The following CLCA1 variants were observed in gnomAD, a reference collection of about 807,000 sequenced individuals.
CLCA1 encodes chloride channel accessory 1, also known as calcium-activated chloride channel regulator 1.
A neutral mutation model predicts 85.6 loss-of-function variants in CLCA1; 59 were observed. The observed-to-expected ratio is 0.69, with a 90% confidence interval of 0.56 to 0.86. The LOEUF is 0.86. CLCA1 is among the 40% of genes least tolerant of loss of function. The probability of loss-of-function intolerance (pLI) is 0.00; values close to 1 mark genes in which losing one functional copy is unlikely to be tolerated. For synonymous variants in CLCA1, 396 were observed against 398.3 expected (o/e 0.99, Z 0.07); for missense variants, 1,022 against 1,101.4 (o/e 0.93, Z 1.02).
chr1:86,483,405 C>G (rs1344485283), intron 5 of CLCA1, among the ~76,000 whole-genome samples: 1 of 151,980 alleles, frequency 6.6e-6, no homozygotes, highest in Non-Finnish European at 1.5e-5. Flanking sequence ...TGTTGTACAA[C>G]TAATGATTAC....
chr1:86,491,163 C>A, intron 8 of CLCA1, 102 bp from the exon 9 acceptor site: 2 of 712,836 alleles, frequency 2.8e-6, no homozygotes, highest in Non-Finnish European at 4.8e-6. Context: ...ACTTTAATAA[C>A]ACAAAGGGAT....
In CLCA1 at chr1:86,498,577, A is replaced by AT. The variant is rs1385444292; in HGVS notation, c.2120dup (p.Gln708ThrfsTer8). On this transcript the variant is annotated frameshift_variant, in exon 13 of 14. Coordinates refer to ENST00000394711, the MANE Select transcript of CLCA1 (RefSeq NM_001285.4). LOFTEE classifies it high-confidence loss of function. ...TGAGTATTTTTTTAATGCAGATGAA[A>AT]TACAATGGAATCCACCAAGACCTGA... 7 of 1,613,216 alleles carry AT rather than the reference A, an allele frequency of 4.3e-6. No homozygotes were observed. The East Asian group carries it at 1.1e-4, about 26-fold the overall frequency.
intron 5 of CLCA1, 23 bp downstream of exon 5, chr1:86,482,405 CT>C (rs769507827): frequency 3.1e-6 from 5 of 1,601,500 alleles, no homozygotes; most frequent in Non-Finnish European, 3.4e-6. Context: ...TTCTCACCCC[CT>C]CCCCCAGATT....
Position 86,498,740 on chromosome 1 carries a change from C to G in CLCA1, c.2282C>G (p.Ala761Gly). 2 of 1,614,050 alleles carry G rather than the reference C, an allele frequency of 1.2e-6. No individual in the cohort carries two copies. Among genetic ancestry groups the G allele is most frequent in the Middle Eastern group, 1.6e-4 (1 of 6,062 alleles). The change falls in exon 13 of 14, where the codon GCG becomes GGG. Residue 761 changes from alanine (A) to glycine (G), a missense_variant. Physicochemically the swap from Ala to Gly is moderately conservative, Grantham distance 60. Transcript: ENST00000394711. ...FPPGQITDLK[A>G]EIHGGSLINL... ...CCTGGCCAAATCACCGACCTGAAGG[C>G]GGAAATTCACGGGGGCAGTCTCATT...
chr1:86,472,154 C>T (rs961990035), intron 1 of CLCA1, among the ~76,000 whole-genome samples: 1 of 152,056 alleles, frequency 6.6e-6, no homozygotes, highest in Non-Finnish European at 1.5e-5. Context: ...AGAAAAACTT[C>T]TGAACCTGTT....
intron 5 of CLCA1, among the ~76,000 whole-genome samples, chr1:86,483,612 T>C (rs887391734): frequency 6.6e-6 from 1 of 152,232 alleles, no homozygotes; most frequent in Non-Finnish European, 1.5e-5. Flanking sequence ...ATTTATTGGC[T>C]GTGTTAGTAT....
intron 1 of CLCA1, among the ~76,000 whole-genome samples, chr1:86,470,214 G>C (rs1647464367): frequency 6.6e-6 from 1 of 152,182 alleles, no homozygotes; most frequent in African/African-American, 2.4e-5. Flanking sequence ...TCTCTACAGT[G>C]TGTGGTTAGA....
intron 7 of CLCA1, among the ~76,000 whole-genome samples, chr1:86,488,539 G>A (rs1205674696): frequency 2.0e-5 from 3 of 152,132 alleles, no homozygotes; most frequent in African/African-American, 4.8e-5. Flanking sequence ...CAGAACCAAT[G>A]CCAGCCAGAA....
chr1:86,471,190 A>C (rs1647490036), intron 1 of CLCA1, among the ~76,000 whole-genome samples: 1 of 151,906 alleles, frequency 6.6e-6, no homozygotes, highest in Non-Finnish European at 1.5e-5. Context: ...GAGTCTCTGC[A>C]ATGCTCAGCA....
At position 86,482,336 on chromosome 1, in the gene CLCA1, G is replaced by T; in HGVS notation, c.689G>T (p.Arg230Leu). 1 of 1,614,022 alleles carries T rather than the reference G, an allele frequency of 6.2e-7. No homozygotes were observed. The highest frequency in any genetic ancestry group is 2.2e-5 in the East Asian group (1 of 44,878). Reference sequence around the variant, plus strand: ...GGATGTGAGTTTGTTCTCCAATCCCGCCAGACGGAGAAGGCTTCTATAATG... The same window carrying T: ...GGATGTGAGTTTGTTCTCCAATCCCTCCAGACGGAGAAGGCTTCTATAATG... ...EKGCEFVLQS[R>L]QTEKASIMFA... Residue 230 changes from arginine to leucine, a missense_variant, in exon 5 of 14, where the codon CGC (arginine) becomes CTC (leucine). Transcript: ENST00000394711.
rs1648417027 is a variant in CLCA1, at chr1:86,500,116, G to A, written c.*71G>A. 2 of 1,050,966 alleles carry A rather than the reference G, an allele frequency of 1.9e-6. No homozygotes were observed. The highest frequency in any genetic ancestry group is 2.8e-6 in the Non-Finnish European group (2 of 722,520). 65.1% of individuals were successfully genotyped at this position (1,050,966 alleles called of 1,614,324 possible). The stretch of plus-strand genomic sequence containing the variant: ...TTTTGATTATAAAATTTTCTAAAAT[G>A]TATTTTAGACTTCCTGTAGGGGGCG... On this transcript the variant is annotated 3_prime_UTR_variant, in exon 14 of 14. Transcript: ENST00000394711.
rs372051359 is a variant in CLCA1, at chr1:86,473,779, C to T, written c.354C>T (p.Tyr118=). Reference sequence around the variant, plus strand: ...CTCCTCCAGGTAATGATGAACCCTACACTGAGCAGATGGGCAACTGTGGAG... The same window carrying T: ...CTCCTCCAGGTAATGATGAACCCTATACTGAGCAGATGGGCAACTGTGGAG... ...ESTPPGNDEP[Y]TEQMGNCGEK... Residue 118 remains tyrosine (Y), a synonymous_variant, in exon 3 of 14, where the codon TAC becomes TAT. Coordinates refer to ENST00000394711, the MANE Select transcript of CLCA1 (RefSeq NM_001285.4). The T allele has an allele frequency of 3.1e-6, 5 of 1,612,904 alleles. No homozygotes were observed. The highest frequency in any genetic ancestry group is 3.4e-6 in the Non-Finnish European group (4 of 1,179,298).
Position 86,494,361 on chromosome 1 carries a change from T to C in CLCA1, c.1855T>C (p.Ser619Pro). The C allele has an allele frequency of 1.2e-6, 2 of 1,614,114 alleles. No individual in the cohort carries two copies. The highest frequency in any genetic ancestry group is 1.7e-6 in the Non-Finnish European group (2 of 1,180,014). The change falls in exon 11 of 14, where the codon TCC (serine) becomes CCC (proline). Residue 619 changes from serine (S) to proline (P), a missense_variant. Ser to Pro is a moderately conservative substitution (Grantham distance 74). Coordinates refer to ENST00000394711, the MANE Select transcript of CLCA1 (RefSeq NM_001285.4). ...VVYANIRQGA[S>P]PILRASVTAL... ...TTATGCAAATATTCGCCAAGGAGCCTCCCCAATTCTCAGGGCCAGTGTCAC... is the reference window on the plus strand; with the variant it reads ...TTATGCAAATATTCGCCAAGGAGCCCCCCCAATTCTCAGGGCCAGTGTCAC...
intron 7 of CLCA1, 114 bp downstream of exon 7, chr1:86,486,867 A>G (rs1001311586): frequency 2.3e-6 from 2 of 881,170 alleles, no homozygotes; most frequent in Admixed American, 4.0e-5. Flanking sequence ...GAGATAACCA[A>G]GGAGCAATAT....
chr1:86,473,609 T>C (rs1219203314), intron 2 of CLCA1, 52 bp downstream of exon 2: 2 of 1,502,882 alleles, frequency 1.3e-6, no homozygotes, highest in Non-Finnish European at 9.0e-7. Context: ...GTAACCAAGA[T>C]TTTTTAAAAT....
At position 86,499,502 on chromosome 1, in the gene CLCA1, C is replaced by T. The variant is rs893239709; in HGVS notation, c.2354-152C>T. ...GAGATAGTAATCCTTGTAAACAGGA[C>T]CATCAGTTCATTTATTTGGGAACCT... On this transcript the variant is annotated intron_variant, in intron 13 of 13. Transcript: ENST00000394711. 13 of 574,756 alleles carry T rather than the reference C, an allele frequency of 2.3e-5. No homozygotes were observed. The Admixed American group carries it at 2.9e-4, about 13-fold the overall frequency. The allele number at this position is 574,756 out of a possible 1,614,324, so 35.6% of individuals were successfully genotyped here. A position where few individuals can be genotyped will look rare whatever the true frequency, so the allele number is the denominator to read the frequency against.
chr1:86,472,698 T>C (rs553785986), intron 1 of CLCA1, among the ~76,000 whole-genome samples: 1 of 152,328 alleles, frequency 6.6e-6, no homozygotes, highest in Non-Finnish European at 1.5e-5. Context: ...TATATAATTA[T>C]GCTATTTTCT....
At chr1:86,493,100 A>G (rs1648179195) in intron 9 of CLCA1, among the ~76,000 whole-genome samples, 1 of 152,226 alleles carries the variant, frequency 6.6e-6, no homozygotes, top group Non-Finnish European at 1.5e-5. Context: ...ACAAATGTAA[A>G]GCCTTCTAGG....
chr1:86,470,399 T>C (rs1050722767), intron 1 of CLCA1, among the ~76,000 whole-genome samples: 1 of 152,172 alleles, frequency 6.6e-6, no homozygotes, highest in African/African-American at 2.4e-5. Context: ...GTTTCTAAAT[T>C]TGGAAGTGGC....
Sources: allele counts gnomAD v4.1 joint callset (sites outside exome capture counted in the v4.1 genomes callset), GRCh38; gene constraint gnomAD v4.1.1; transcripts MANE v1.5; gene names NCBI Gene and HGNC (gene_info 2026-07-23, HGNC 2026-07-21).